The following FRMD4A variants were observed in gnomAD, a reference collection of about 807,000 sequenced individuals.
The protein encoded by FRMD4A is FERM domain containing 4A, also known as FERM domain-containing protein 4A.
In FRMD4A, 29 loss-of-function variants were observed where a neutral mutation model predicts 129.1. The observed-to-expected ratio is 0.22, with a 90% CI of 0.17 to 0.31. The LOEUF is 0.31. Among genes scored for constraint, FRMD4A ranks in the 10% least tolerant of loss-of-function variants. The pLI is 1.00. For synonymous variants in FRMD4A, 634 were observed against 571.6 expected, an observed-to-expected ratio of 1.11 and a Z score of -1.56; for missense variants, 1,272 against 1,375.8, an observed-to-expected ratio of 0.92 and a Z score of 1.19.
intron 12 of FRMD4A, among the ~76,000 whole-genome samples, chr10:13,729,835 T>C (rs542716080): frequency 6.6e-6 from 1 of 152,324 alleles, no homozygotes; most frequent in Admixed American, 6.5e-5. Flanking sequence ...CTGATGTTGC[T>C]ATTTCTTCCC....
chr10:14,027,262 G>T (rs1028814361), intron 2 of FRMD4A, among the ~76,000 whole-genome samples: 2 of 152,214 alleles, frequency 1.3e-5, no homozygotes, highest in Non-Finnish European at 2.9e-5. Context: ...ATTTAAAGCA[G>T]TTGCCAAGAG....
intron 2 of FRMD4A, among the ~76,000 whole-genome samples, chr10:14,200,173 A>G (rs1031992872): frequency 1.3e-5 from 2 of 150,542 alleles, no homozygotes; most frequent in Non-Finnish European, 3.0e-5. Flanking sequence ...GATTACACGC[A>G]TGAGCCACTG....
At chr10:13,936,648 C>T (rs1180302279) in intron 2 of FRMD4A, among the ~76,000 whole-genome samples, 1 of 152,142 alleles carries the variant, frequency 6.6e-6, no homozygotes, top group Non-Finnish European at 1.5e-5. Flanking sequence ...TCTACCCCCA[C>T]CTTGATCTTG....
At chr10:13,698,415 C>T (rs996896195) in intron 14 of FRMD4A, among the ~76,000 whole-genome samples, 5 of 152,292 alleles carry the variant, frequency 3.3e-5, no homozygotes, top group African/African-American at 7.2e-5. Flanking sequence ...CCAGCCCTGT[C>T]GGCCATCACT....
chr10:14,287,088 C>G (rs1024673236), intron 2 of FRMD4A, among the ~76,000 whole-genome samples: 3 of 152,006 alleles, frequency 2.0e-5, no homozygotes, highest in Non-Finnish European at 2.9e-5. Flanking sequence ...TGACTTCACC[C>G]ACCAGTGTCC....
At chr10:13,976,051 G>A (rs1194667659) in intron 2 of FRMD4A, among the ~76,000 whole-genome samples, 1 of 152,196 alleles carries the variant, frequency 6.6e-6, no homozygotes, top group Admixed American at 6.5e-5. Context: ...GGTGTCTAAA[G>A]GGTAGGGAAT....
chr10:13,843,316 C>T (rs978723845), intron 3 of FRMD4A, among the ~76,000 whole-genome samples: 3 of 152,054 alleles, frequency 2.0e-5, no homozygotes, highest in African/African-American at 4.8e-5. Flanking sequence ...CTTTGAGAAC[C>T]GCTGATTTCA....
intron 2 of FRMD4A, among the ~76,000 whole-genome samples, chr10:13,923,149 T>C (rs1360184317): frequency 1.3e-5 from 2 of 152,194 alleles, no homozygotes; most frequent in African/African-American, 4.8e-5. Flanking sequence ...GAGTGAGGTT[T>C]TCCAGGGCAA....
chr10:14,028,515 C>T (rs1833085915), intron 2 of FRMD4A, among the ~76,000 whole-genome samples: 2 of 152,164 alleles, frequency 1.3e-5, no homozygotes, highest in African/African-American at 4.8e-5. Flanking sequence ...ATCCCTTGTC[C>T]ACCCCAGGAG....
At chr10:13,961,832 A>AT (rs1220919199) in intron 2 of FRMD4A, among the ~76,000 whole-genome samples, 1 of 151,948 alleles carries the variant, frequency 6.6e-6, no homozygotes, top group Non-Finnish European at 1.5e-5. Flanking sequence ...ATGGAATCAT[A>AT]TTTTTTTTGT....
Position 14,278,590 on chromosome 10 carries a change from C to T in FRMD4A, c.45+51468G>A, listed in dbSNP as rs567168529. Among the ~76,000 whole-genome samples the T allele has an allele frequency of 3.2e-4, 49 of 152,324 alleles. No individual in the cohort carries two copies. In the South Asian group the frequency reaches 3.5e-3, roughly 11 times the overall value. On this transcript the variant is annotated intron_variant, in intron 2 of 24. Transcript: ENST00000357447. ...AATAAATAAATAGGGCCAGACTGCA[C>T]TTTCTTAACAGCAACAAAAGCCCAA...
At position 13,652,228 on chromosome 10, in the gene FRMD4A, A is replaced by G. The variant is rs904450515; in HGVS notation, c.3051-254T>C. 1.0e-4 allele frequency: 54 copies of G among 532,388 alleles called. No homozygotes were observed. In the South Asian group the frequency reaches 1.3e-3, roughly 13 times the overall value. 33.0% of individuals were successfully genotyped at this position (532,388 alleles called of 1,614,324 possible). The stretch of plus-strand genomic sequence containing the variant: ...CATTTTGTATCACATCATAGCAAAC[A>G]GTTTATGCCAAGAACCAAAATTGCT... On this transcript the variant is annotated intron_variant, in intron 23 of 24. Transcript: ENST00000357447.
chr10:14,050,040 A>G (rs916727021), intron 2 of FRMD4A, among the ~76,000 whole-genome samples: 2 of 152,204 alleles, frequency 1.3e-5, no homozygotes, highest in Non-Finnish European at 2.9e-5. Context: ...CTTTGGCACC[A>G]TCACTTACAC....
At chr10:13,744,429 T>C (rs2135064202) in intron 9 of FRMD4A, 1 of 152,362 alleles carries the variant, frequency 6.6e-6, no homozygotes, top group Non-Finnish European at 1.5e-5. Context: ...TCTTGCACCA[T>C]AACTCAGCAT....
chr10:13,963,332 C>T (rs1362839494), intron 2 of FRMD4A, among the ~76,000 whole-genome samples: 1 of 149,016 alleles, frequency 6.7e-6, no homozygotes, highest in African/African-American at 2.5e-5. Flanking sequence ...AGGCCAAGCC[C>T]ACACCATATG....
At chr10:13,931,775 T>TAAAAAAAAAAA (rs59824238) in intron 2 of FRMD4A, among the ~76,000 whole-genome samples, 3 of 129,258 alleles carry the variant, frequency 2.3e-5, no homozygotes, top group Middle Eastern at 4.0e-3. Context: ...TCATCTTTAC[T>TAAAAAAAAAAA]AAAAAAAAAA....
chr10:13,650,960 C>T (rs1170970913), intron 24 of FRMD4A: 4 of 152,210 alleles, frequency 2.6e-5, no homozygotes, highest in African/African-American at 7.2e-5. Context: ...TCTTAGAGCA[C>T]TTAATACATA....
At chr10:14,155,670 G>T (rs977847436) in intron 2 of FRMD4A, among the ~76,000 whole-genome samples, 1 of 152,114 alleles carries the variant, frequency 6.6e-6, no homozygotes, top group African/African-American at 2.4e-5. Flanking sequence ...CACTGGAGAG[G>T]GCTCTGAGAT....
At chr10:13,766,756 C>T (rs1272520721) in intron 6 of FRMD4A, among the ~76,000 whole-genome samples, 1 of 152,142 alleles carries the variant, frequency 6.6e-6, no homozygotes, top group Admixed American at 6.5e-5. Flanking sequence ...CCGGCTTACT[C>T]TGAAAATTTC....
Sources: allele counts gnomAD v4.1 joint callset (sites outside exome capture counted in the v4.1 genomes callset), GRCh38; gene constraint gnomAD v4.1.1; transcripts MANE v1.5; gene names NCBI Gene and HGNC (gene_info 2026-07-23, HGNC 2026-07-21).